MRTFA: variants seen among roughly 807,000 people sequenced by gnomAD.
MRTFA encodes the protein myocardin related transcription factor A, also known as myocardin-related transcription factor A.
Under a neutral mutation model 83.5 loss-of-function variants are expected in MRTFA, and 20 were observed. The ratio of observed to expected loss-of-function variants is 0.24; its 90% CI spans 0.17 to 0.35. The LOEUF (loss-of-function observed/expected upper bound fraction) is 0.35, where lower values mean the gene tolerates loss of function less well. Ranked by LOEUF, MRTFA falls within the 10% of genes least tolerant of loss-of-function variation. The pLI is 1.00. For synonymous variants in MRTFA, 659 were observed against 541.2 expected (o/e 1.22, Z -3.02); for missense variants, 1,200 against 1,224.7 (o/e 0.98, Z 0.30).
intron 3 of MRTFA, among the ~76,000 whole-genome samples, chr22:40,477,394 G>T (rs1022657651): frequency 3.3e-5 from 5 of 151,470 alleles, no homozygotes; most frequent in African/African-American, 1.2e-4. Context: ...ACCTCTAAGG[G>T]GAGACCAAAA....
At chr22:40,508,132 A>G (rs1367562894) in intron 3 of MRTFA, among the ~76,000 whole-genome samples, 1 of 152,134 alleles carries the variant, frequency 6.6e-6, no homozygotes, top group East Asian at 1.9e-4. Flanking sequence ...TTCGTCCCCA[A>G]TTTGATTAAG....
intron 4 of MRTFA, among the ~76,000 whole-genome samples, chr22:40,461,628 CA>C (rs71199287): frequency 0.59 from 59,619 of 100,404 alleles, 15,300 homozygotes; most frequent in South Asian, 0.65. Context: ...ACTAAAAATA[CA>C]AAAAAAAAAA....
At chr22:40,533,737 C>T (rs1439013525) in intron 3 of MRTFA, 3 of 571,260 alleles carry the variant, frequency 5.3e-6, no homozygotes, top group Non-Finnish European at 7.8e-6. Context: ...AATCTGATGC[C>T]TTATGCTCAA....
rs758695807 is a variant in MRTFA at position 40,410,970 on chromosome 22, C to T, written c.*420G>A. On this transcript the variant is annotated 3_prime_UTR_variant, in exon 15 of 15. Transcript: ENST00000355630. ...AGGCCCAGGCTAATTTCTCCCTTCA[C>T]AGCAAAGCAGGGAGAGAAAGGAAGG... is the stretch of plus-strand genomic sequence containing the variant. 301 of 238,012 alleles carry T rather than the reference C, an allele frequency of 1.3e-3. 1 individual carries two copies. Among genetic ancestry groups the T allele is most frequent in the Non-Finnish European group, 1.4e-3 (171 of 121,790 alleles). 14.7% of individuals were successfully genotyped at this position (238,012 alleles called of 1,614,324 possible).
chr22:40,546,044 T>A (rs1256294610), intron 3 of MRTFA, among the ~76,000 whole-genome samples: 1 of 152,250 alleles, frequency 6.6e-6, no homozygotes, highest in Admixed American at 6.5e-5. Context: ...AATTTCTATA[T>A]GATACATGCT....
rs2052830731 is a variant in MRTFA at position 40,421,157 on chromosome 22, G to A, written c.928-57C>T. ...GGGCAGCCTCAGGCTTCTCGGGGTG[G>A]GGCTGGCAACTCTCCCCACACCTGT... On this transcript the variant is annotated intron_variant, in intron 9 of 14. Transcript: ENST00000355630. 33 of 1,501,448 alleles carry A rather than the reference G, an allele frequency of 2.2e-5. No homozygotes were observed. The South Asian group carries it at 4.3e-4, about 20-fold the overall frequency. 93.0% of individuals were successfully genotyped at this position (1,501,448 alleles called of 1,614,324 possible). A position where few individuals can be genotyped will look rare whatever the true frequency, so the allele number is the denominator to read the frequency against.
At chr22:40,635,154 G>C (rs906978480) in intron 1 of MRTFA, among the ~76,000 whole-genome samples, 6 of 152,164 alleles carry the variant, frequency 3.9e-5, no homozygotes, top group African/African-American at 1.4e-4. Context: ...ACGACATTAA[G>C]CAAAACTTAG....
intron 4 of MRTFA, among the ~76,000 whole-genome samples, chr22:40,456,792 T>A (rs1207354274): frequency 6.6e-6 from 1 of 152,218 alleles, no homozygotes; most frequent in Non-Finnish European, 1.5e-5. Flanking sequence ...ATAAAATAAG[T>A]TGAAGTCTCT....
intron 2 of MRTFA, among the ~76,000 whole-genome samples, chr22:40,575,595 A>G (rs1367323876): frequency 2.0e-5 from 3 of 152,214 alleles, no homozygotes; most frequent in Non-Finnish European, 2.9e-5. Flanking sequence ...GTATATCTCC[A>G]TAGCTCAACT....
intron 7 of MRTFA, among the ~76,000 whole-genome samples, chr22:40,426,898 G>A (rs1186669918): frequency 3.9e-5 from 6 of 152,150 alleles, no homozygotes; most frequent in Non-Finnish European, 2.9e-5. Context: ...ATCCATCATC[G>A]TGTGTGATCC....
At position 40,463,482 on chromosome 22, in the gene MRTFA, G is replaced by A. The variant is rs1013069229; in HGVS notation, c.242-196C>T. On this transcript the variant is annotated intron_variant, in intron 3 of 14. Transcript: ENST00000355630. The stretch of plus-strand genomic sequence containing the variant: ...GTTTCCGTATTCTGCTGTGGGCGGT[G>A]AGAGGAAGTTGCGAAGGGTCTTGCA... 2.0e-5 allele frequency: 11 copies of A among 543,798 alleles called. No individual in the cohort carries two copies. In the East Asian group the frequency reaches 3.3e-4, roughly 16 times the overall value. The allele number at this position is 543,798 out of a possible 1,614,324, so 33.7% of individuals were successfully genotyped here.
chr22:40,457,487 AAGG>A (rs1384245567), intron 4 of MRTFA, among the ~76,000 whole-genome samples: 1 of 128,184 alleles, frequency 7.8e-6, no homozygotes, highest in South Asian at 2.6e-4. Context: ...AGAAAGAAAG[AAGG>A]AAAGAAAGAA....
Position 40,424,195 on chromosome 22 carries a change from C to A in MRTFA, c.777+11G>T. 6.3e-7 allele frequency: 1 copy of A among 1,584,640 alleles called. No homozygotes were observed. On this transcript the variant is annotated intron_variant, in intron 8 of 14. Coordinates refer to ENST00000355630, the MANE Select transcript of MRTFA (RefSeq NM_020831.6). ...TTGGAGCTGGGGAAGCATCTGGAAG[C>A]ACACACTCACCTGGGTGGGGGATGC...
intron 3 of MRTFA, among the ~76,000 whole-genome samples, chr22:40,513,053 C>G (rs1602363081): frequency 6.6e-6 from 1 of 152,134 alleles, no homozygotes; most frequent in Non-Finnish European, 1.5e-5. Context: ...GAAAGTTTTA[C>G]AAGGAGTGAG....
chr22:40,631,511 G>A (rs748115350), intron 1 of MRTFA, among the ~76,000 whole-genome samples: 20 of 151,988 alleles, frequency 1.3e-4, no homozygotes, highest in Non-Finnish European at 1.8e-4. Flanking sequence ...ACACACGGCC[G>A]GCAAGTAGAG....
At chr22:40,611,438 T>C (rs1401949987) in intron 1 of MRTFA, among the ~76,000 whole-genome samples, 3 of 151,558 alleles carry the variant, frequency 2.0e-5, no homozygotes, top group African/African-American at 7.3e-5. Context: ...AGAGACATGG[T>C]CTTACTGTGT....
At chr22:40,572,343 T>A (rs1201151831) in intron 2 of MRTFA, among the ~76,000 whole-genome samples, 1 of 152,114 alleles carries the variant, frequency 6.6e-6, no homozygotes, top group African/African-American at 2.4e-5. Context: ...GGTGCAGAGG[T>A]GCACATCTAT....
chr22:40,635,992 T>G lies in MRTFA; in HGVS notation c.-84+486A>C, dbSNP rs147984214. Among the ~76,000 whole-genome samples the G allele has an allele frequency of 4.8e-3, 732 of 152,272 alleles. 6 individuals carry two copies. The highest frequency in any genetic ancestry group is 7.5e-3 in the Non-Finnish European group (512 of 68,012). On this transcript the variant is annotated intron_variant, in intron 1 of 14. Transcript: ENST00000355630. The stretch of plus-strand genomic sequence containing the variant: ...AGTTCTTGGCCATCAAGTTTCAGAT[T>G]TGCAGAGCCCTGTACACCTGGCAGC...
At chr22:40,443,742 G>A (rs1038953001) in intron 4 of MRTFA, among the ~76,000 whole-genome samples, 2 of 152,200 alleles carry the variant, frequency 1.3e-5, no homozygotes, top group Admixed American at 6.5e-5. Flanking sequence ...AGGGTGTAAT[G>A]AGATGCCCCA....
Sources: allele counts gnomAD v4.1 joint callset (sites outside exome capture counted in the v4.1 genomes callset), GRCh38; gene constraint gnomAD v4.1.1; transcripts MANE v1.5; gene names NCBI Gene and HGNC (gene_info 2026-07-23, HGNC 2026-07-21).